The following STPG2 variants were observed in gnomAD, a reference collection of about 807,000 sequenced individuals.
STPG2 encodes sperm tail PG-rich repeat containing 2, also known as sperm-tail PG-rich repeat-containing protein 2.
STPG2 carries 56 observed loss-of-function variants against 54.2 expected under a neutral mutation model. That is an observed-to-expected ratio of 1.03 (90% CI 0.83 to 1.29). The LOEUF (loss-of-function observed/expected upper bound fraction) is 1.29, where lower values mean the gene tolerates loss of function less well. STPG2 is among the 50% of genes most tolerant of loss of function. STPG2 has a pLI of 0.00. For synonymous variants in STPG2, 200 were observed against 181.8 expected, an observed-to-expected ratio of 1.10 and a Z score of -0.81; for missense variants, 596 against 544.9, an observed-to-expected ratio of 1.09 and a Z score of -0.93.
At chr4:98,069,701 G>A (rs984415818) in intron 5 of STPG2, among the ~76,000 whole-genome samples, 1 of 152,078 alleles carries the variant, frequency 6.6e-6, no homozygotes, top group Non-Finnish European at 1.5e-5. Context: ...TTCTTTTCAA[G>A]ATTTGTATAA....
At chr4:97,741,496 T>C (rs1018376741) in intron 9 of STPG2, among the ~76,000 whole-genome samples, 9 of 151,444 alleles carry the variant, frequency 5.9e-5, no homozygotes, top group Non-Finnish European at 1.3e-4. Flanking sequence ...GAATCTACAA[T>C]GAACTCAAAC....
At chr4:97,526,728 T>C (rs186117104) in intron 4 of STPG2, among the ~76,000 whole-genome samples, 2 of 152,240 alleles carry the variant, frequency 1.3e-5, no homozygotes, top group East Asian at 1.9e-4. Flanking sequence ...GCTTTTGGTG[T>C]TTTAGTCATG....
intron 5 of STPG2, among the ~76,000 whole-genome samples, chr4:98,076,470 TTAAG>T (rs1738171830): frequency 6.6e-6 from 1 of 152,186 alleles, no homozygotes; most frequent in African/African-American, 2.4e-5. Flanking sequence ...TTGATGGAAA[TTAAG>T]TAAGAAGATA....
chr4:97,967,399 A>G (rs1431185162), intron 7 of STPG2, among the ~76,000 whole-genome samples: 1 of 152,108 alleles, frequency 6.6e-6, no homozygotes, highest in Non-Finnish European at 1.5e-5. Flanking sequence ...ACTCCTACAC[A>G]ATAATAATGG....
At chr4:97,739,893 G>A (rs7661984) in intron 9 of STPG2, among the ~76,000 whole-genome samples, 65,148 of 151,434 alleles carry the variant, frequency 0.43, 14,544 homozygotes, top group Admixed American at 0.54. Context: ...TACCAAAGCC[G>A]GGCAGAGACA....
intron 8 of STPG2, among the ~76,000 whole-genome samples, chr4:97,855,631 C>T (rs113195368): frequency 0.025 from 3,768 of 152,046 alleles, 104 homozygotes; most frequent in African/African-American, 0.072. Context: ...TTCACTCTGA[C>T]GAAAGTTTCT....
At position 97,669,802 on chromosome 4, in the gene STPG2, C is replaced by CAA. The variant is rs1292978345; in HGVS notation, c.1320+42895_1320+42896dup. Among the ~76,000 whole-genome samples, 6 of 21,768 alleles carry CAA rather than the reference C, an allele frequency of 2.8e-4. 2 individuals are homozygous for CAA. The highest frequency in any genetic ancestry group is 5.7e-4 in the Admixed American group (1 of 1,756). 14.3% of individuals were successfully genotyped at this position (21,768 alleles called of 152,430 possible). A position where few individuals can be genotyped will look rare whatever the true frequency, so the allele number is the denominator to read the frequency against. On this transcript the variant is annotated intron_variant, in intron 10 of 10. Coordinates refer to ENST00000295268, the MANE Select transcript of STPG2 (RefSeq NM_174952.3). ...TGGGCAACAGAGCGAGACTCCGTCT[C>CAA]AAAAAAAAAAAAAAAAAGAAAGTTT...
chr4:97,457,818 C>T (rs1729566467), intron 4 of STPG2, among the ~76,000 whole-genome samples: 1 of 152,090 alleles, frequency 6.6e-6, no homozygotes, highest in Non-Finnish European at 1.5e-5. Flanking sequence ...TTTTAAACTG[C>T]AGAGCATTTG....
At chr4:97,921,487 T>A (rs1732105733) in intron 8 of STPG2, among the ~76,000 whole-genome samples, 1 of 150,638 alleles carries the variant, frequency 6.6e-6, no homozygotes, top group Non-Finnish European at 1.5e-5. Flanking sequence ...AAAAAGAAAT[T>A]CTGGACAATG....
chr4:97,955,497 G>C (rs573230812), intron 7 of STPG2, among the ~76,000 whole-genome samples: 1 of 152,260 alleles, frequency 6.6e-6, no homozygotes, highest in Admixed American at 6.5e-5. Flanking sequence ...TTACAGGTGT[G>C]AGCCACCGCA....
chr4:97,619,621 A>T (rs1733959712), intron 10 of STPG2, among the ~76,000 whole-genome samples: 1 of 150,966 alleles, frequency 6.6e-6, no homozygotes, highest in Admixed American at 6.6e-5. Flanking sequence ...TTTTCCTAAC[A>T]CACAAAATGC....
chr4:97,638,928 T>A (rs1721662597), intron 10 of STPG2, among the ~76,000 whole-genome samples: 1 of 147,672 alleles, frequency 6.8e-6, no homozygotes, highest in Non-Finnish European at 1.5e-5. Flanking sequence ...ATTGTGGAAG[T>A]CAGTGTGGCG....
At chr4:97,952,665 G>A (rs921668661) in intron 7 of STPG2, among the ~76,000 whole-genome samples, 3 of 152,170 alleles carry the variant, frequency 2.0e-5, no homozygotes, top group African/African-American at 7.2e-5. Flanking sequence ...CACCATCTCT[G>A]ATGGGGATGG....
intron 5 of STPG2, among the ~76,000 whole-genome samples, chr4:98,003,979 T>C (rs75960019): frequency 0.014 from 2,116 of 152,214 alleles, 44 homozygotes; most frequent in African/African-American, 0.047. Context: ...AACATGTACA[T>C]CACCTCACAT....
chr4:97,962,179 T>A (rs921088015), intron 7 of STPG2, among the ~76,000 whole-genome samples: 2 of 152,076 alleles, frequency 1.3e-5, no homozygotes, highest in African/African-American at 4.8e-5. Flanking sequence ...GGCATAAGAA[T>A]GACACAATGA....
chr4:97,615,105 C>A (rs2148918291), intron 10 of STPG2, among the ~76,000 whole-genome samples: 2 of 152,232 alleles, frequency 1.3e-5, no homozygotes, highest in South Asian at 4.1e-4. Flanking sequence ...AATGGTTTCA[C>A]CATTCTTCCA....
intron 9 of STPG2, among the ~76,000 whole-genome samples, chr4:97,785,122 A>T (rs1425240820): frequency 6.6e-6 from 1 of 152,038 alleles, no homozygotes; most frequent in Non-Finnish European, 1.5e-5. Flanking sequence ...AAGCAGCATA[A>T]TTTTACTAGT....
chr4:97,795,170 T>C (rs901612208), intron 9 of STPG2, among the ~76,000 whole-genome samples: 4 of 151,390 alleles, frequency 2.6e-5, no homozygotes, highest in Non-Finnish European at 4.4e-5. Flanking sequence ...CCAAAACACA[T>C]GTGTTTCTAC....
At chr4:97,441,476 C>A (rs1021163086) in intron 4 of STPG2, 3 of 151,874 alleles carry the variant, frequency 2.0e-5, no homozygotes, top group Non-Finnish European at 4.4e-5. Flanking sequence ...GGAAGTACTT[C>A]TTTGTGAGAG....
Sources: allele counts gnomAD v4.1 joint callset (sites outside exome capture counted in the v4.1 genomes callset), GRCh38; gene constraint gnomAD v4.1.1; transcripts MANE v1.5; gene names NCBI Gene and HGNC (gene_info 2026-07-23, HGNC 2026-07-21).